The following ADRA1D variants were observed in gnomAD, a reference collection of about 807,000 sequenced individuals.
ADRA1D encodes the protein adrenoceptor alpha 1D, also known as alpha-1D adrenergic receptor.
In ADRA1D, 22 loss-of-function variants were observed where a neutral mutation model predicts 18.6. The ratio of observed to expected loss-of-function variants is 1.19; its 90% CI spans 0.85 to 1.69. The LOEUF (loss-of-function observed/expected upper bound fraction) is 1.69. Ranked by LOEUF, ADRA1D falls within the 40% of genes most tolerant of loss-of-function variation. ADRA1D has a pLI of 0.00. For synonymous variants in ADRA1D, 376 were observed against 388.2 expected (o/e 0.97, Z 0.37); for missense variants, 840 against 840.7 (o/e 1.00, Z 0.01).
Position 4,247,827 on chromosome 20 carries a change from G to C in ADRA1D, c.1111+20C>G. The stretch of plus-strand genomic sequence containing the variant: ...GGCTCAGGGAGAACAGGAGGGGCCG[G>C]TGGGAGAGGGGTCACTCACCGAGCG... On this transcript the variant is annotated intron_variant, in intron 1 of 1. Coordinates refer to ENST00000379453, the MANE Select transcript of ADRA1D (RefSeq NM_000678.4). 6.7e-7 allele frequency: 1 copy of C among 1,502,448 alleles called. No homozygotes were observed. Among genetic ancestry groups the C allele is most frequent in the Non-Finnish European group, 8.9e-7 (1 of 1,126,848 alleles). 93.1% of individuals were successfully genotyped at this position (1,502,448 alleles called of 1,614,324 possible).
intron 1 of ADRA1D, among the ~76,000 whole-genome samples, chr20:4,235,149 C>T (rs1028901427): frequency 1.3e-5 from 2 of 152,346 alleles, no homozygotes; most frequent in South Asian, 2.1e-4. Flanking sequence ...GGTCCTTTCA[C>T]TTGAGATGCG....
Position 4,248,061 on chromosome 20 carries a change from G to A in ADRA1D, c.897C>T (p.Ala299=), listed in dbSNP as rs894510938. 2 of 1,550,888 alleles carry A rather than the reference G, an allele frequency of 1.3e-6. No individual in the cohort carries two copies. Among genetic ancestry groups the A allele is most frequent in the African/African-American group, 1.4e-5 (1 of 73,200 alleles). Reference sequence around the variant, plus strand: ...AGTGGATGCGCAGCACCACCTCGGAGGCCTTGCCTCGCTCGCGCTTGACGC... The same window carrying A: ...AGTGGATGCGCAGCACCACCTCGGAAGCCTTGCCTCGCTCGCGCTTGACGC... ...EAGVKRERGK[A]SEVVLRIHCR... The change falls in exon 1 of 2, where the codon GCC becomes GCT. Residue 299 remains alanine, a synonymous_variant. Coordinates refer to ENST00000379453, the MANE Select transcript of ADRA1D (RefSeq NM_000678.4).
chr20:4,241,505 G>A (rs559231496), intron 1 of ADRA1D, among the ~76,000 whole-genome samples: 1 of 152,312 alleles, frequency 6.6e-6, no homozygotes, highest in East Asian at 1.9e-4. Context: ...GACCCTTGGT[G>A]TGGCAGGATG....
At chr20:4,238,681 T>C (rs1325183932) in intron 1 of ADRA1D, among the ~76,000 whole-genome samples, 1 of 152,188 alleles carries the variant, frequency 6.6e-6, no homozygotes, top group Non-Finnish European at 1.5e-5. Context: ...TTGCACTAGC[T>C]TGCTACAATT....
At position 4,248,787 on chromosome 20, in the gene ADRA1D, C is replaced by T; in HGVS notation, c.171G>A (p.Val57=). ...PGGAGGGGGV[V]GAGSGEDNRS... is the part of the protein sequence containing the mutation. ...GGTTGTCCTCGCCGCTGCCTGCGCC[C>T]ACCACGCCGCCGCCGCCGCCCGCGC... is the stretch of plus-strand genomic sequence containing the variant. The change falls in exon 1 of 2, where the codon GTG becomes GTA. Residue 57 remains valine, a synonymous_variant. Coordinates refer to ENST00000379453, the MANE Select transcript of ADRA1D (RefSeq NM_000678.4). 8.3e-7 allele frequency: 1 copy of T among 1,206,226 alleles called. No homozygotes were observed. The highest frequency in any genetic ancestry group is 1.0e-6 in the Non-Finnish European group (1 of 971,886). 74.7% of individuals were successfully genotyped at this position (1,206,226 alleles called of 1,614,324 possible).
At chr20:4,229,572 A>G (rs1980905500) in intron 1 of ADRA1D, among the ~76,000 whole-genome samples, 1 of 151,756 alleles carries the variant, frequency 6.6e-6, no homozygotes, top group African/African-American at 2.4e-5. Flanking sequence ...CTGGGGAGGA[A>G]CATTCCAGCA....
chr20:4,223,920 T>C (rs909492677), intron 1 of ADRA1D, among the ~76,000 whole-genome samples: 3 of 152,148 alleles, frequency 2.0e-5, no homozygotes, highest in African/African-American at 7.2e-5. Context: ...CAGGACATAA[T>C]TCCCACTGTA....
intron 1 of ADRA1D, among the ~76,000 whole-genome samples, chr20:4,231,066 C>CTTTCTTTCTTTCTTTCTTTCTT (rs778795892): frequency 0.033 from 3,128 of 93,828 alleles, 117 homozygotes; most frequent in East Asian, 0.13. Context: ...TTCTTTCTTT[C>CTTTCTTTCTTTCTTTCTTTCTT]TCTCTCTCTC....
At chr20:4,243,047 G>A (rs1051682465) in intron 1 of ADRA1D, among the ~76,000 whole-genome samples, 3 of 152,144 alleles carry the variant, frequency 2.0e-5, no homozygotes, top group Admixed American at 6.5e-5. Flanking sequence ...CTGCAGTTGG[G>A]TGCTTGCCTG....
rs1981440494 is a variant in ADRA1D, at chr20:4,249,023, C to T, written c.-66G>A. On this transcript the variant is annotated 5_prime_UTR_variant, in exon 1 of 2. The change creates a new upstream start codon in the 5' untranslated region. Transcript: ENST00000379453. ...CGAGCGGCCGGCAGGGAGGGGAGCA[C>T]AGGGCATAGCCGCGGGGCTCCAGAT... The T allele has an allele frequency of 2.6e-6, 3 of 1,154,588 alleles. No homozygotes were observed. Among genetic ancestry groups the T allele is most frequent in the Non-Finnish European group, 3.3e-6 (3 of 921,370 alleles). The allele number at this position is 1,154,588 out of a possible 1,614,324, so 71.5% of individuals were successfully genotyped here.
intron 1 of ADRA1D, among the ~76,000 whole-genome samples, chr20:4,236,888 C>G (rs1227896165): frequency 2.0e-5 from 3 of 152,208 alleles, no homozygotes; most frequent in Non-Finnish European, 4.4e-5. Flanking sequence ...AGAATTCTCC[C>G]TGAGCCTCCA....
chr20:4,247,403 C>T (rs1981358770), intron 1 of ADRA1D, among the ~76,000 whole-genome samples: 2 of 152,124 alleles, frequency 1.3e-5, no homozygotes, highest in Admixed American at 6.5e-5. Flanking sequence ...TGGCTTCTGG[C>T]ATCTGCTGAT....
At chr20:4,224,142 G>A (rs1980738035) in intron 1 of ADRA1D, among the ~76,000 whole-genome samples, 1 of 152,218 alleles carries the variant, frequency 6.6e-6, no homozygotes, top group African/African-American at 2.4e-5. Flanking sequence ...CTTACATGCT[G>A]TGAAGTTCAG....
At chr20:4,236,965 A>G (rs1428636471) in intron 1 of ADRA1D, among the ~76,000 whole-genome samples, 1 of 152,144 alleles carries the variant, frequency 6.6e-6, no homozygotes, top group East Asian at 1.9e-4. Flanking sequence ...GAGGTAATAT[A>G]TTCTTTGAAG....
rs370450326 is a variant in ADRA1D, at chr20:4,222,608, C to T, written c.1112-478G>A. 6.6e-4 allele frequency among the ~76,000 whole-genome samples: 100 copies of T among 152,282 alleles called. No homozygotes were observed. The highest frequency in any genetic ancestry group is 2.3e-3 in the African/African-American group (97 of 41,552). On this transcript the variant is annotated intron_variant, in intron 1 of 1. Coordinates refer to ENST00000379453, the MANE Select transcript of ADRA1D (RefSeq NM_000678.4). The surrounding 1 kb of genome is among the most constrained non-coding windows in gnomAD (Gnocchi z 4.3). ...CCCGCCTCCCTGCCACATCTCCTGT[C>T]TGAGTCACTGTTTTCCTGAAATGAT...
At position 4,239,364 on chromosome 20, in the gene ADRA1D, T is replaced by C. The variant is rs115894665; in HGVS notation, c.1111+8483A>G. On this transcript the variant is annotated intron_variant, in intron 1 of 1. Transcript: ENST00000379453. The surrounding 1 kb of genome is among the most constrained non-coding windows in gnomAD (Gnocchi z 4.9). ...CTTCAGGGGAGGGGAAGGAGGAATA[T>C]ATGTCCAAGGACAGAAGTCCCCATC... 2.4e-3 allele frequency among the ~76,000 whole-genome samples: 371 copies of C among 152,242 alleles called. 1 individual carries two copies. The highest frequency in any genetic ancestry group is 7.8e-3 in the African/African-American group (326 of 41,542).
At chr20:4,225,055 G>A (rs1980764041) in intron 1 of ADRA1D, among the ~76,000 whole-genome samples, 1 of 147,156 alleles carries the variant, frequency 6.8e-6, no homozygotes, top group Admixed American at 6.8e-5. Context: ...AGGCTGGAGT[G>A]CAATGGTGCG....
intron 1 of ADRA1D, among the ~76,000 whole-genome samples, chr20:4,228,649 C>T (rs1980877041): frequency 6.6e-6 from 1 of 152,242 alleles, no homozygotes; most frequent in Non-Finnish European, 1.5e-5. Flanking sequence ...GCCCCTTCTT[C>T]TCCAGAGCAG....
At chr20:4,241,487 G>C (rs576002812) in intron 1 of ADRA1D, among the ~76,000 whole-genome samples, 8 of 152,292 alleles carry the variant, frequency 5.3e-5, no homozygotes, top group African/African-American at 1.9e-4. Context: ...GCTGTGCTTT[G>C]CCACCCAGAC....
Sources: gnomAD v4.1 joint callset for allele counts (sites outside exome capture counted in the v4.1 genomes callset) on GRCh38, gnomAD v4.1.1 for gene constraint, Gnocchi (gnomAD v3.1) non-coding constraint, MANE v1.5 for transcripts, NCBI Gene and HGNC (gene_info 2026-07-23, HGNC 2026-07-21) for gene names.